The following SLC66A2 variants were observed in gnomAD, a reference collection of about 807,000 sequenced individuals.
The protein encoded by SLC66A2 is PQ loop repeat containing 1.
In SLC66A2, 23 loss-of-function variants were observed where a neutral mutation model predicts 25.5. The ratio of observed to expected loss-of-function variants is 0.90; its 90% confidence interval spans 0.65 to 1.28. SLC66A2 has a LOEUF of 1.28. SLC66A2 is among the 50% of genes most tolerant of loss of function. The pLI, the probability that SLC66A2 is intolerant of heterozygous loss-of-function variation, is 0.00. For synonymous variants in SLC66A2, 193 were observed against 166.5 expected, an observed-to-expected ratio of 1.16 and a Z score of -1.23; for missense variants, 396 against 373.1, an observed-to-expected ratio of 1.06 and a Z score of -0.51.
intron 4 of SLC66A2, among the ~76,000 whole-genome samples, chr18:79,923,041 C>T (rs956952931): frequency 2.6e-5 from 4 of 151,520 alleles, no homozygotes; most frequent in African/African-American, 7.3e-5. Flanking sequence ...AGACGCTGCT[C>T]GGCATCCGAG....
At chr18:79,938,880 G>A (rs934994453) in intron 3 of SLC66A2, among the ~76,000 whole-genome samples, 1 of 152,156 alleles carries the variant, frequency 6.6e-6, no homozygotes, top group African/African-American at 2.4e-5. Flanking sequence ...GTTTCACCAT[G>A]TTGGCCAGGA....
intron 4 of SLC66A2, among the ~76,000 whole-genome samples, chr18:79,931,139 G>A (rs1986529846): frequency 6.6e-6 from 1 of 152,204 alleles, no homozygotes; most frequent in Non-Finnish European, 1.5e-5. Context: ...AAAGAAAGCT[G>A]TAAAGGAGCA....
At chr18:79,914,088 T>C (rs1229293993) in intron 5 of SLC66A2, among the ~76,000 whole-genome samples, 1 of 152,184 alleles carries the variant, frequency 6.6e-6, no homozygotes, top group African/African-American at 2.4e-5. Flanking sequence ...GCATTTTTAG[T>C]AGAGACAGGG....
At chr18:79,944,560 C>T (rs1381316456) in intron 2 of SLC66A2, 2 of 152,474 alleles carry the variant, frequency 1.3e-5, no homozygotes, top group Admixed American at 6.5e-5. Flanking sequence ...CACCACAGAG[C>T]TGGGACACAT....
chr18:79,923,308 G>T (rs1985520005), intron 4 of SLC66A2, among the ~76,000 whole-genome samples: 1 of 149,808 alleles, frequency 6.7e-6, no homozygotes, highest in Non-Finnish European at 1.5e-5. Flanking sequence ...GTGGTGGATG[G>T]GTGGATGGTG....
intron 4 of SLC66A2, among the ~76,000 whole-genome samples, chr18:79,928,092 C>G (rs144370424): frequency 6.6e-6 from 1 of 152,222 alleles, no homozygotes. Context: ...GCTGTCACCG[C>G]GGCCAAGGGA....
chr18:79,943,520 C>T lies in SLC66A2; in HGVS notation c.204-58G>A, dbSNP rs185131484. The T allele has an allele frequency of 3.4e-5, 54 of 1,582,094 alleles. No individual in the cohort carries two copies. In the East Asian group the frequency reaches 4.7e-4, roughly 14 times the overall value. On this transcript the variant is annotated intron_variant, in intron 2 of 5. Coordinates refer to ENST00000397778, the MANE Select transcript of SLC66A2 (RefSeq NM_025078.5). Reference sequence around the variant, plus strand: ...CCACCCATGCCACTTCTCCCAGTCCCGAACCTGCAGCGGGAGAGACCCGGG... The same window carrying T: ...CCACCCATGCCACTTCTCCCAGTCCTGAACCTGCAGCGGGAGAGACCCGGG...
intron 5 of SLC66A2, among the ~76,000 whole-genome samples, chr18:79,911,172 A>G (rs577509913): frequency 5.3e-5 from 8 of 152,340 alleles, no homozygotes; most frequent in Non-Finnish European, 8.8e-5. Flanking sequence ...TGAGGCCCCA[A>G]CCACACAGGC....
At chr18:79,916,296 G>GGTGCTCCCGTACCCGTA (rs1568302654) in intron 5 of SLC66A2, among the ~76,000 whole-genome samples, 3 of 139,132 alleles carry the variant, frequency 2.2e-5, no homozygotes, top group African/African-American at 9.2e-5. Context: ...CCGTACCCGT[G>GGTGCTCCCGTACCCGTA]GTGCTCCCGT....
Position 79,943,475 on chromosome 18 carries a change from C to G in SLC66A2, c.204-13G>C, listed in dbSNP as rs550536726. On this transcript the variant is annotated splice_polypyrimidine_tract_variant and intron_variant, in intron 2 of 5. Transcript: ENST00000397778. ...GCGCCTTCCAAACCTGCGGGAGAGA[C>G]ACTGTGTCAGGAGGGAGGTCCACCC... is the stretch of plus-strand genomic sequence containing the variant. 1 of 1,612,010 alleles carries G rather than the reference C, an allele frequency of 6.2e-7. No homozygotes were observed. The highest frequency in any genetic ancestry group is 8.5e-7 in the Non-Finnish European group (1 of 1,178,668).
chr18:79,937,584 C>A lies in SLC66A2; in HGVS notation c.338-3562G>T, dbSNP rs1987227626. On this transcript the variant is annotated intron_variant, in intron 3 of 5. Coordinates refer to ENST00000397778, the MANE Select transcript of SLC66A2 (RefSeq NM_025078.5). This position sits in a 1 kb window ranked among gnomAD's most constrained non-coding sequence, Gnocchi z 5.4. ...CTGCAGAGGGGCTCCAGCTAACAGA[C>A]AACAAACATCCTGCAGCCCCTGATG... is the stretch of plus-strand genomic sequence containing the variant. Among the ~76,000 whole-genome samples the A allele has an allele frequency of 6.6e-6, 1 of 152,156 alleles. No individual in the cohort carries two copies. The highest frequency in any genetic ancestry group is 6.5e-5 in the Admixed American group (1 of 15,272).
chr18:79,937,543 G>T lies in SLC66A2; in HGVS notation c.338-3521C>A, dbSNP rs966184987. On this transcript the variant is annotated intron_variant, in intron 3 of 5. Coordinates refer to ENST00000397778, the MANE Select transcript of SLC66A2 (RefSeq NM_025078.5). This position sits in a 1 kb window ranked among gnomAD's most constrained non-coding sequence, Gnocchi z 5.4. The stretch of plus-strand genomic sequence containing the variant: ...ACACCTGTGGATAGCTGAACAATGG[G>T]TACCCGCCCATTTCTCTGCAGAGGG... Among the ~76,000 whole-genome samples the T allele has an allele frequency of 6.6e-6, 1 of 152,066 alleles. No individual in the cohort carries two copies. The highest frequency in any genetic ancestry group is 1.5e-5 in the Non-Finnish European group (1 of 68,020).
At chr18:79,942,820 A>G (rs1370173034) in intron 3 of SLC66A2, among the ~76,000 whole-genome samples, 1 of 152,224 alleles carries the variant, frequency 6.6e-6, no homozygotes. Flanking sequence ...CCCAGCTGTC[A>G]ACACTGCAGT....
At position 79,932,980 on chromosome 18, in the gene SLC66A2, C is replaced by A. The variant is rs570921646; in HGVS notation, c.391+989G>T. Among the ~76,000 whole-genome samples the A allele has an allele frequency of 2.0e-4, 30 of 152,300 alleles. No homozygotes were observed. The South Asian group carries it at 6.2e-3, about 32-fold the overall frequency. On this transcript the variant is annotated intron_variant, in intron 4 of 5. Coordinates refer to ENST00000397778, the MANE Select transcript of SLC66A2 (RefSeq NM_025078.5). The stretch of plus-strand genomic sequence containing the variant: ...GGCCAGTATTATCCTAATACTAAAT[C>A]TAGACAAAGTCATCACAAGAAAACT...
At position 79,904,248 on chromosome 18, in the gene SLC66A2, AG is replaced by A. The variant is rs1316580000; in HGVS notation, c.609-66del. Reference sequence around the variant, plus strand: ...GGCGACCTGGGCTCAGTCAGTGGGGAGGCCTGGGGCTTAGACAGCGGGGAGA... The same window carrying A: ...GGCGACCTGGGCTCAGTCAGTGGGGAGCCTGGGGCTTAGACAGCGGGGAGA... On this transcript the variant is annotated intron_variant, in intron 5 of 5. Coordinates refer to ENST00000397778, the MANE Select transcript of SLC66A2 (RefSeq NM_025078.5). This position sits in a 1 kb window ranked among gnomAD's most constrained non-coding sequence, Gnocchi z 6.3. The A allele has an allele frequency of 1.4e-6, 2 of 1,449,346 alleles. No individual in the cohort carries two copies. Among genetic ancestry groups the A allele is most frequent in the Non-Finnish European group, 1.9e-6 (2 of 1,036,420 alleles). 89.8% of individuals were successfully genotyped at this position (1,449,346 alleles called of 1,614,324 possible). A position where few individuals can be genotyped will look rare whatever the true frequency, so the allele number is the denominator to read the frequency against.
At chr18:79,932,784 T>A (rs1986699898) in intron 4 of SLC66A2, among the ~76,000 whole-genome samples, 2 of 152,126 alleles carry the variant, frequency 1.3e-5, no homozygotes, top group African/African-American at 4.8e-5. Flanking sequence ...CTGAATAGAC[T>A]TATAACAAGA....
rs1160637219 is a variant in SLC66A2 at position 79,904,332 on chromosome 18, G to A, written c.609-149C>T. ...GGACCCCCAGGCAGTCGGCGGGGAGGCCTGGGGCTCAGGGGGCACCCAGGG... is the reference window on the plus strand; with the variant it reads ...GGACCCCCAGGCAGTCGGCGGGGAGACCTGGGGCTCAGGGGGCACCCAGGG... On this transcript the variant is annotated intron_variant, in intron 5 of 5. Transcript: ENST00000397778. This position sits in a 1 kb window ranked among gnomAD's most constrained non-coding sequence, Gnocchi z 6.3. 2.8e-6 allele frequency: 2 copies of A among 716,666 alleles called. No homozygotes were observed. Among genetic ancestry groups the A allele is most frequent in the Non-Finnish European group, 4.8e-6 (2 of 414,426 alleles). The allele number at this position is 716,666 out of a possible 1,614,324, so 44.4% of individuals were successfully genotyped here.
Position 79,913,306 on chromosome 18 carries a change from C to T in SLC66A2, c.608+5878G>A, listed in dbSNP as rs549510742. Among the ~76,000 whole-genome samples the T allele has an allele frequency of 2.6e-5, 4 of 152,096 alleles. No individual in the cohort carries two copies. In the South Asian group the frequency reaches 6.2e-4, roughly 24 times the overall value. The stretch of plus-strand genomic sequence containing the variant: ...GCTCCTCCCCATCTGTCAACACCAA[C>T]GCACCCCCGCTGCCCTCATCATCTA... On this transcript the variant is annotated intron_variant, in intron 5 of 5. Coordinates refer to ENST00000397778, the MANE Select transcript of SLC66A2 (RefSeq NM_025078.5).
In SLC66A2 at chr18:79,941,762, T is replaced by G. The variant is rs921340407; in HGVS notation, c.337+1567A>C. The stretch of plus-strand genomic sequence containing the variant: ...GCCTGGACACTCACAACCTGCCGTC[T>G]CTGGGACCTCACATCAAGCCACTGC... On this transcript the variant is annotated intron_variant, in intron 3 of 5. Coordinates refer to ENST00000397778, the MANE Select transcript of SLC66A2 (RefSeq NM_025078.5). This position sits in a 1 kb window ranked among gnomAD's most constrained non-coding sequence, Gnocchi z 4.1. 2.0e-5 allele frequency: 3 copies of G among 152,534 alleles called. No individual in the cohort carries two copies. Among genetic ancestry groups the G allele is most frequent in the African/African-American group, 7.2e-5 (3 of 41,432 alleles). 9.4% of individuals were successfully genotyped at this position (152,534 alleles called of 1,614,324 possible).
Sources: allele counts gnomAD v4.1 joint callset (sites outside exome capture counted in the v4.1 genomes callset), GRCh38; gene constraint gnomAD v4.1.1; non-coding constraint Gnocchi (gnomAD v3.1); transcripts MANE v1.5; gene names NCBI Gene and HGNC (gene_info 2026-07-23, HGNC 2026-07-21).